TTLL11: variants seen among roughly 807,000 people sequenced by gnomAD.
TTLL11 encodes tubulin polyglutamylase TTLL11.
TTLL11 carries 42 observed loss-of-function variants against 51.7 expected under a neutral mutation model. The ratio of observed to expected loss-of-function variants is 0.81; its 90% CI spans 0.64 to 1.05. The LOEUF is 1.05. TTLL11 is among the 50% of genes least tolerant of loss of function. TTLL11 has a pLI of 0.00. For missense variants in TTLL11, 799 were observed against 940.4 expected, an observed-to-expected ratio of 0.85 and a Z score of 1.97; for synonymous variants, 381 against 383.5, an observed-to-expected ratio of 0.99 and a Z score of 0.08.
At chr9:121,872,375 C>G (rs1838387965) in intron 6 of TTLL11, among the ~76,000 whole-genome samples, 3 of 152,242 alleles carry the variant, frequency 2.0e-5, no homozygotes, top group South Asian at 4.1e-4. Flanking sequence ...ATGCCAGTCT[C>G]TCTCACCGTT....
chr9:121,885,466 G>A (rs940439055), intron 6 of TTLL11: 4 of 152,254 alleles, frequency 2.6e-5, no homozygotes, highest in Middle Eastern at 6.3e-3. Flanking sequence ...AGCTCTCGCT[G>A]CTTGGACACC....
At chr9:121,913,724 A>G (rs1392626151) in intron 6 of TTLL11, among the ~76,000 whole-genome samples, 1 of 152,232 alleles carries the variant, frequency 6.6e-6, no homozygotes, top group Admixed American at 6.5e-5. Flanking sequence ...CATAAGGAAG[A>G]CCAGGGACAT....
At chr9:121,898,210 G>C (rs754614013) in intron 6 of TTLL11, among the ~76,000 whole-genome samples, 53 of 152,148 alleles carry the variant, frequency 3.5e-4, no homozygotes, top group Non-Finnish European at 7.2e-4. Context: ...CACCATGTCC[G>C]GCTCCATTCT....
intron 6 of TTLL11, among the ~76,000 whole-genome samples, chr9:121,936,348 C>G (rs1038084646): frequency 6.6e-6 from 1 of 151,718 alleles, no homozygotes; most frequent in Non-Finnish European, 1.5e-5. Flanking sequence ...ACTGCAGCCT[C>G]GATGTCCCAG....
At chr9:121,882,335 T>C (rs1257498623) in intron 6 of TTLL11, among the ~76,000 whole-genome samples, 1 of 152,174 alleles carries the variant, frequency 6.6e-6, no homozygotes, top group African/African-American at 2.4e-5. Flanking sequence ...TCCATGTGCA[T>C]GGTCCCCTCC....
intron 8 of TTLL11, among the ~76,000 whole-genome samples, chr9:121,851,795 C>T (rs80314105): frequency 0.016 from 2,482 of 152,002 alleles, 74 homozygotes; most frequent in African/African-American, 0.057. Context: ...AATTTACTGC[C>T]TGCTCCAGGC....
In TTLL11 at chr9:122,092,729, C is replaced by T. The variant is rs377432505; in HGVS notation, c.420G>A (p.Leu140=). 7.0e-5 allele frequency: 108 copies of T among 1,537,940 alleles called. 1 individual carries two copies. In the African/African-American group the frequency reaches 1.2e-3, roughly 17 times the overall value. ...TVDSSKARTS[L]DALKISIRQL... ...GGCGGATGCTGATCTTCAGGGCATC[C>T]AGGGAGGTCCTGGCCTTGGAGCTGT... The change falls in exon 1 of 9, where the codon CTG becomes CTA. Residue 140 remains leucine (L), a synonymous_variant. Coordinates refer to ENST00000321582, the MANE Select transcript of TTLL11 (RefSeq NM_001139442.2).
chr9:121,899,089 C>T (rs553420722), intron 6 of TTLL11, among the ~76,000 whole-genome samples: 12 of 152,184 alleles, frequency 7.9e-5, no homozygotes, highest in African/African-American at 2.9e-4. Flanking sequence ...ATCACCTCCT[C>T]CCTGGGCCCC....
At chr9:121,826,551 G>A (rs980023101) in intron 8 of TTLL11, among the ~76,000 whole-genome samples, 9,680 of 36,022 alleles carry the variant, frequency 0.27, 1,080 homozygotes, top group East Asian at 0.47. Context: ...ATATATATAT[G>A]TGTGTGTATA....
intron 6 of TTLL11, among the ~76,000 whole-genome samples, chr9:121,941,749 T>G (rs1841479005): frequency 6.6e-6 from 1 of 152,200 alleles, no homozygotes; most frequent in Non-Finnish European, 1.5e-5. Flanking sequence ...CCTGCTCATC[T>G]TCGGGACTGT....
chr9:121,899,232 T>A (rs1327194605), intron 6 of TTLL11, among the ~76,000 whole-genome samples: 1 of 152,128 alleles, frequency 6.6e-6, no homozygotes, highest in Admixed American at 6.5e-5. Flanking sequence ...CTCTATCCTC[T>A]GCGTGTTTAC....
At chr9:122,072,394 A>T (rs1564385453) in intron 1 of TTLL11, among the ~76,000 whole-genome samples, 1 of 152,142 alleles carries the variant, frequency 6.6e-6, no homozygotes, top group Admixed American at 6.5e-5. Context: ...CTGTAATCCT[A>T]GCACTTTGGG....
chr9:122,000,083 T>C (rs1044520453), intron 3 of TTLL11, among the ~76,000 whole-genome samples: 3 of 152,168 alleles, frequency 2.0e-5, no homozygotes, highest in African/African-American at 7.2e-5. Context: ...CTGGGTAGAA[T>C]GAGGCTAAAA....
At chr9:121,902,230 C>T (rs1300050987) in intron 6 of TTLL11, among the ~76,000 whole-genome samples, 1 of 152,118 alleles carries the variant, frequency 6.6e-6, no homozygotes, top group Non-Finnish European at 1.5e-5. Flanking sequence ...AAAATAGATC[C>T]TCCGTATTTG....
intron 8 of TTLL11, among the ~76,000 whole-genome samples, chr9:121,835,697 G>T (rs1018632448): frequency 6.6e-6 from 1 of 152,120 alleles, no homozygotes; most frequent in Non-Finnish European, 1.5e-5. Flanking sequence ...TTAATCACAG[G>T]TCATACTGCT....
intron 3 of TTLL11, among the ~76,000 whole-genome samples, chr9:121,990,752 C>T (rs1460985241): frequency 6.6e-6 from 1 of 152,188 alleles, no homozygotes; most frequent in African/African-American, 2.4e-5. Context: ...CCAATCCTTC[C>T]ATCTGTTGAG....
rs942813064 is a variant in TTLL11, at chr9:121,821,075, T to C, written c.*1512A>G. On this transcript the variant is annotated 3_prime_UTR_variant, in exon 9 of 9. Coordinates refer to ENST00000321582, the MANE Select transcript of TTLL11 (RefSeq NM_001139442.2). The surrounding 1 kb of genome is among the most constrained non-coding windows in gnomAD (Gnocchi z 5.0). ...CTGCTCTGAAATCGCTTGCCAACAA[T>C]TGGAGACATCTTGGATTAACAATCT... 6.6e-6 allele frequency among the ~76,000 whole-genome samples: 1 copy of C among 151,892 alleles called. No individual in the cohort carries two copies. Among genetic ancestry groups the C allele is most frequent in the Non-Finnish European group, 1.5e-5 (1 of 67,956 alleles).
At chr9:122,045,133 T>A (rs564592038) in intron 1 of TTLL11, among the ~76,000 whole-genome samples, 1 of 151,734 alleles carries the variant, frequency 6.6e-6, no homozygotes, top group South Asian at 2.1e-4. Context: ...AGGACCTAAG[T>A]GTTGACAAGT....
In TTLL11 at chr9:121,817,898, A is replaced by G. The variant is rs1005588077; in HGVS notation, c.*4689T>C. 6 of 152,266 alleles carry G rather than the reference A, an allele frequency of 3.9e-5. No homozygotes were observed. In the South Asian group the frequency reaches 1.2e-3, roughly 32 times the overall value. 9.4% of individuals were successfully genotyped at this position (152,266 alleles called of 1,614,324 possible). ...TCCTCATCCTTGGTGGGTTGGATGGATCTAGAAGTGCTTTGTAAACTGTGA... is the reference window on the plus strand; with the variant it reads ...TCCTCATCCTTGGTGGGTTGGATGGGTCTAGAAGTGCTTTGTAAACTGTGA... On this transcript the variant is annotated 3_prime_UTR_variant, in exon 9 of 9. Transcript: ENST00000321582.
Sources: allele counts gnomAD v4.1 joint callset (sites outside exome capture counted in the v4.1 genomes callset), GRCh38; gene constraint gnomAD v4.1.1; non-coding constraint Gnocchi (gnomAD v3.1); transcripts MANE v1.5; gene names NCBI Gene and HGNC (gene_info 2026-07-23, HGNC 2026-07-21).